Variants in FCRL1 observed in about 807,000 individuals in gnomAD.
FCRL1 encodes the protein Fc receptor like 1, also known as Fc receptor-like protein 1.
FCRL1 carries 34 observed loss-of-function variants against 49.2 expected under a neutral mutation model. The ratio of observed to expected loss-of-function variants is 0.69; its 90% CI spans 0.53 to 0.92. The LOEUF (loss-of-function observed/expected upper bound fraction) is 0.92, where lower values mean the gene tolerates loss of function less well. Ranked by LOEUF, FCRL1 falls within the 40% of genes least tolerant of loss-of-function variation. The pLI is 0.00. For missense variants in FCRL1, 524 were observed against 524.1 expected (o/e 1.00, Z 0.00); for synonymous variants, 218 against 201.6 (o/e 1.08, Z -0.69).
At chr1:157,798,124 G>A (rs1402519689) in intron 8 of FCRL1, 37 bp downstream of exon 8, 1 of 1,587,412 alleles carries the variant, frequency 6.3e-7, no homozygotes, top group East Asian at 2.2e-5. Flanking sequence ...CTAGCTTGCT[G>A]TACCATCGTT....
intron 1 of FCRL1, among the ~76,000 whole-genome samples, chr1:157,813,322 A>G (rs1277556969): frequency 2.0e-5 from 3 of 152,252 alleles, no homozygotes; most frequent in African/African-American, 7.2e-5. Flanking sequence ...CACTTATAAG[A>G]GAATACAGAT....
At chr1:157,812,975 A>T (rs1654532796) in intron 1 of FCRL1, among the ~76,000 whole-genome samples, 1 of 152,212 alleles carries the variant, frequency 6.6e-6, no homozygotes, top group Non-Finnish European at 1.5e-5. Flanking sequence ...ACTGAGGCAC[A>T]CACAAGCATT....
chr1:157,797,181 CT>C, intron 9 of FCRL1, 49 bp from the exon 10 acceptor site: 2 of 1,553,062 alleles, frequency 1.3e-6, no homozygotes, highest in Admixed American at 3.4e-5. Flanking sequence ...ATTTAAAGTC[CT>C]TCACTAAACT....
chr1:157,802,727 A>G (rs1652747145), intron 3 of FCRL1, 63 bp from the exon 4 acceptor site: 2 of 1,500,306 alleles, frequency 1.3e-6, no homozygotes, highest in African/African-American at 1.4e-5. Context: ...GACAGTAAGT[A>G]GATATGACGG....
At chr1:157,805,916 A>G (rs1355268098) in intron 2 of FCRL1, among the ~76,000 whole-genome samples, 2 of 152,162 alleles carry the variant, frequency 1.3e-5, no homozygotes, top group Admixed American at 6.5e-5. Context: ...GGCATTTAGC[A>G]TTTGGGCATC....
chr1:157,799,002 C>CTTAT (rs1395437707), intron 7 of FCRL1, among the ~76,000 whole-genome samples: 4 of 152,072 alleles, frequency 2.6e-5, no homozygotes, highest in Non-Finnish European at 2.9e-5. Context: ...TGATTATTTA[C>CTTAT]TTATTTATTT....
At chr1:157,816,217 C>T (rs933877790) in intron 1 of FCRL1, among the ~76,000 whole-genome samples, 3 of 151,850 alleles carry the variant, frequency 2.0e-5, no homozygotes, top group Non-Finnish European at 4.4e-5. Flanking sequence ...ACTAGCAAAC[C>T]AAATTCAACA....
intron 1 of FCRL1, among the ~76,000 whole-genome samples, chr1:157,812,442 C>G (rs932850709): frequency 2.6e-5 from 4 of 152,188 alleles, no homozygotes; most frequent in Admixed American, 2.6e-4. Context: ...GTAATACACT[C>G]TCTCCTGGTG....
chr1:157,813,897 A>C (rs1465833978), intron 1 of FCRL1, among the ~76,000 whole-genome samples: 1 of 152,236 alleles, frequency 6.6e-6, no homozygotes, highest in African/African-American at 2.4e-5. Context: ...ATCTATCACC[A>C]GAAATCATGC....
At chr1:157,797,298 T>C (rs1651666750) in intron 9 of FCRL1, among the ~76,000 whole-genome samples, 166 bp from the exon 10 acceptor site, 1 of 152,228 alleles carries the variant, frequency 6.6e-6, no homozygotes, top group Non-Finnish European at 1.5e-5. Flanking sequence ...ATTCCCTTAG[T>C]AGCCAGAGGA....
At position 157,801,459 on chromosome 1, in the gene FCRL1, A is replaced by T. The variant is rs916845184; in HGVS notation, c.1003+2T>A. The T allele has an allele frequency of 6.3e-7, 1 of 1,579,490 alleles. No homozygotes were observed. Among genetic ancestry groups the T allele is most frequent in the Non-Finnish European group, 8.7e-7 (1 of 1,149,222 alleles). On this transcript the variant is annotated splice_donor_variant, in intron 6 of 10. Transcript: ENST00000368176. LOFTEE classifies it high-confidence loss of function. ...AAAATGCCACTCTCTTTAAATACTA[A>T]CCTATTTTTCTTTTGAGGCCGTAGC...
chr1:157,810,809 G>A (rs191089871), intron 1 of FCRL1, among the ~76,000 whole-genome samples: 2 of 152,216 alleles, frequency 1.3e-5, no homozygotes, highest in East Asian at 3.9e-4. Context: ...ACTTTTTTGA[G>A]ACAGGATCTT....
intron 1 of FCRL1, among the ~76,000 whole-genome samples, chr1:157,807,591 G>A (rs1256621356): frequency 7.9e-5 from 12 of 152,174 alleles, no homozygotes; most frequent in Non-Finnish European, 5.9e-5. Flanking sequence ...ACAGAGTCAG[G>A]CAAGGAGAGT....
At chr1:157,818,961 G>C (rs191445451) in intron 1 of FCRL1, among the ~76,000 whole-genome samples, 2 of 152,322 alleles carry the variant, frequency 1.3e-5, no homozygotes, top group Admixed American at 1.3e-4. Context: ...TAATGCACAA[G>C]TGGAGAGTCT....
intron 1 of FCRL1, among the ~76,000 whole-genome samples, chr1:157,812,313 G>A (rs1654439323): frequency 6.6e-6 from 1 of 152,130 alleles, no homozygotes; most frequent in African/African-American, 2.4e-5. Context: ...GCTCTCCAGA[G>A]CCAAAGCCAC....
At chr1:157,818,373 G>T (rs1473866690) in intron 1 of FCRL1, among the ~76,000 whole-genome samples, 1 of 151,546 alleles carries the variant, frequency 6.6e-6, no homozygotes, top group Non-Finnish European at 1.5e-5. Context: ...GAGCCTGAAG[G>T]ATATTATGTT....
chr1:157,804,834 G>A (rs1468814715), intron 2 of FCRL1, among the ~76,000 whole-genome samples: 2 of 150,946 alleles, frequency 1.3e-5, no homozygotes, highest in African/African-American at 4.9e-5. Context: ...TCCCTTTGGG[G>A]TGTTAGGGGC....
Position 157,804,078 on chromosome 1 carries a change from G to A in FCRL1, c.86C>T (p.Thr29Ile). ...CGTCAGGGTCACTGGGCTCCCCTCT[G>A]TGGGATGGGAGGGGCTGGCTATCAA... ...LFLIASPSHPTEGSPVTLTCK... is the reference protein window; with the variant it reads ...LFLIASPSHPIEGSPVTLTCK... The change falls in exon 3 of 11, where the codon ACA becomes ATA. Residue 29 changes from threonine (T) to isoleucine (I), a missense_variant. Coordinates refer to ENST00000368176, the MANE Select transcript of FCRL1 (RefSeq NM_052938.5). The A allele has an allele frequency of 1.9e-6, 3 of 1,614,190 alleles. No homozygotes were observed. Among genetic ancestry groups the A allele is most frequent in the Non-Finnish European group, 2.5e-6 (3 of 1,180,028 alleles).
intron 8 of FCRL1, 104 bp downstream of exon 8, chr1:157,798,057 G>C: frequency 6.7e-7 from 1 of 1,497,446 alleles, no homozygotes; most frequent in African/African-American, 1.4e-5. Flanking sequence ...TTGTAGCAGA[G>C]GCTAGGGCAC....
Sources: gnomAD v4.1 joint callset for allele counts (sites outside exome capture counted in the v4.1 genomes callset) on GRCh38, gnomAD v4.1.1 for gene constraint, MANE v1.5 for transcripts, NCBI Gene and HGNC (gene_info 2026-07-23, HGNC 2026-07-21) for gene names.